Variants in TESPA1 observed in about 807,000 individuals in gnomAD.
TESPA1 encodes the protein protein TESPA1.
A neutral mutation model predicts 57.9 loss-of-function variants in TESPA1; 33 were observed. That is an observed-to-expected ratio of 0.57 (90% CI 0.43 to 0.76). The LOEUF (loss-of-function observed/expected upper bound fraction) is 0.76. TESPA1 is among the 30% of genes least tolerant of loss of function. The pLI is 0.00. For synonymous variants in TESPA1, 227 were observed against 228.9 expected (o/e 0.99, Z 0.07); for missense variants, 618 against 632.9 (o/e 0.98, Z 0.25).
chr12:54,983,585 G>A (rs1952399865), intron 1 of TESPA1, among the ~76,000 whole-genome samples: 1 of 152,142 alleles, frequency 6.6e-6, no homozygotes, highest in Non-Finnish European at 1.5e-5. Flanking sequence ...AGGACCATTT[G>A]TGGTATACAG....
intron 10 of TESPA1, among the ~76,000 whole-genome samples, chr12:54,960,504 T>G (rs1951006730): frequency 6.6e-6 from 1 of 152,206 alleles, no homozygotes; most frequent in Non-Finnish European, 1.5e-5. Flanking sequence ...GAGTCTGCTC[T>G]GAGTTCAATG....
At chr12:54,963,432 T>G (rs1369037206) in intron 8 of TESPA1, among the ~76,000 whole-genome samples, 190 bp from the exon 9 acceptor site, 3 of 152,136 alleles carry the variant, frequency 2.0e-5, no homozygotes, top group Non-Finnish European at 2.9e-5. Context: ...CCCCATCCCA[T>G]GTAGATATTC....
At chr12:54,966,565 A>G in intron 5 of TESPA1, 141 bp from the exon 6 acceptor site, 1 of 909,596 alleles carries the variant, frequency 1.1e-6, no homozygotes, top group Non-Finnish European at 1.7e-6. Flanking sequence ...TAAATTCTGC[A>G]CTTCTTGGGG....
chr12:54,959,296 T>A (rs537602938), intron 10 of TESPA1, among the ~76,000 whole-genome samples: 207 of 152,300 alleles, frequency 1.4e-3, no homozygotes, highest in African/African-American at 4.8e-3. Flanking sequence ...TTCAGGTCGG[T>A]TAGTCTCTGA....
intron 3 of TESPA1, among the ~76,000 whole-genome samples, chr12:54,969,070 T>TAC (rs1951657643): frequency 2.1e-5 from 3 of 140,998 alleles, no homozygotes; most frequent in South Asian, 2.4e-4. Flanking sequence ...TAGATAGATA[T>TAC]AGATATATCT....
intron 1 of TESPA1, among the ~76,000 whole-genome samples, chr12:54,977,228 T>G (rs1013984255): frequency 6.6e-6 from 1 of 152,182 alleles, no homozygotes; most frequent in Non-Finnish European, 1.5e-5. Flanking sequence ...ATCTCACACA[T>G]TGTAACCACT....
chr12:54,969,310 C>T (rs1384115338), intron 3 of TESPA1, among the ~76,000 whole-genome samples: 2 of 151,738 alleles, frequency 1.3e-5, no homozygotes, highest in Admixed American at 6.6e-5. Context: ...ATACTACAAA[C>T]ATGTGTAACT....
intron 5 of TESPA1, 107 bp downstream of exon 5, chr12:54,967,076 A>G (rs1951487248): frequency 7.9e-7 from 1 of 1,271,174 alleles, no homozygotes; most frequent in Non-Finnish European, 1.1e-6. Flanking sequence ...ATAAGACCCC[A>G]GGGATGGGCT....
In TESPA1 at chr12:54,967,867, C is replaced by A. The variant is rs1404788713; in HGVS notation, c.232G>T (p.Glu78Ter). 3 of 1,613,606 alleles carry A rather than the reference C, an allele frequency of 1.9e-6. No individual in the cohort carries two copies. The highest frequency in any genetic ancestry group is 2.5e-6 in the Non-Finnish European group (3 of 1,179,750). Residue 78 changes from glutamate to a stop codon, truncating the protein, a stop_gained, in exon 4 of 11, where the codon GAA becomes TAA. Transcript: ENST00000449076. LOFTEE classifies it high-confidence loss of function. Reference protein sequence around the residue: ...CGYSEEGFSEEAGQFIYNGFC... With the variant: ...CGYSEEGFSE ...CCATTGTAGATAAACTGTCCTGCTT[C>A]CTCAGAAAATCCTTCTTCAGAGTAT... is the stretch of plus-strand genomic sequence containing the variant.
At chr12:54,975,519 C>A (rs540453403) in intron 1 of TESPA1, among the ~76,000 whole-genome samples, 3 of 152,166 alleles carry the variant, frequency 2.0e-5, no homozygotes, top group East Asian at 3.9e-4. Flanking sequence ...ATGTAATATT[C>A]ATTGGCTCAT....
At position 54,962,740 on chromosome 12, in the gene TESPA1, G is replaced by A; in HGVS notation, c.1158C>T (p.Pro386=). 1 of 1,613,916 alleles carries A rather than the reference G, an allele frequency of 6.2e-7. No individual in the cohort carries two copies. The highest frequency in any genetic ancestry group is 8.5e-7 in the Non-Finnish European group (1 of 1,179,874). ...LAPSQTLDSN[P]KVPCCTHSLP... is the part of the protein sequence containing the mutation. ...GAGAATGTGTGCAACAGGGTACCTTGGGGTTCGAATCCAGAGTTTGGGATG... is the reference window on the plus strand; with the variant it reads ...GAGAATGTGTGCAACAGGGTACCTTAGGGTTCGAATCCAGAGTTTGGGATG... Residue 386 remains proline (P), a synonymous_variant, in exon 9 of 11, where the codon CCC becomes CCT. Coordinates refer to ENST00000449076, the MANE Select transcript of TESPA1 (RefSeq NM_001136030.3).
At chr12:54,976,046 C>A (rs1952124371) in intron 1 of TESPA1, among the ~76,000 whole-genome samples, 1 of 152,176 alleles carries the variant, frequency 6.6e-6, no homozygotes, top group Non-Finnish European at 1.5e-5. Context: ...TTGTCTACTG[C>A]CTGTGCCTTT....
At position 54,984,716 on chromosome 12, in the gene TESPA1, A is replaced by G. The variant is rs1952431704; in HGVS notation, c.-177T>C. The G allele has an allele frequency of 1.3e-5, 2 of 152,272 alleles. No individual in the cohort carries two copies. Among genetic ancestry groups the G allele is most frequent in the South Asian group, 4.1e-4 (2 of 4,830 alleles). 9.4% of individuals were successfully genotyped at this position (152,272 alleles called of 1,614,324 possible). A position where few individuals can be genotyped will look rare whatever the true frequency, so the allele number is the denominator to read the frequency against. On this transcript the variant is annotated 5_prime_UTR_variant, in exon 1 of 11. Coordinates refer to ENST00000449076, the MANE Select transcript of TESPA1 (RefSeq NM_001136030.3). ...TTGTAGATTATGCCTTTCTCCCTGA[A>G]CTCATTCAACTGCTGTTGCCTGCTC...
chr12:54,982,567 G>A (rs1467781250), intron 1 of TESPA1, among the ~76,000 whole-genome samples: 2 of 152,136 alleles, frequency 1.3e-5, no homozygotes, highest in African/African-American at 2.4e-5. Flanking sequence ...AAATATTAAA[G>A]TTGTGGATTT....
At chr12:54,952,387 A>G (rs1017943417) in intron 10 of TESPA1, among the ~76,000 whole-genome samples, 1 of 152,360 alleles carries the variant, frequency 6.6e-6, no homozygotes, top group East Asian at 1.9e-4. Flanking sequence ...AGTACCTTAC[A>G]CTCACCATGT....
At position 54,948,945 on chromosome 12, in the gene TESPA1, T is replaced by G. The variant is rs1210002646; in HGVS notation, c.*1447A>C. On this transcript the variant is annotated 3_prime_UTR_variant, in exon 11 of 11. Transcript: ENST00000449076. ...CTTTCTATTTCTTGAGATCTAAATC[T>G]TCTTCCAGCCTCTTCCCAGTTTTAC... 3 of 152,216 alleles carry G rather than the reference T, an allele frequency of 2.0e-5. No homozygotes were observed. The highest frequency in any genetic ancestry group is 7.2e-5 in the African/African-American group (3 of 41,444). The allele number at this position is 152,216 out of a possible 1,614,324, so 9.4% of individuals were successfully genotyped here. A position where few individuals can be genotyped will look rare whatever the true frequency, so the allele number is the denominator to read the frequency against.
At chr12:54,966,526 T>C in intron 5 of TESPA1, 102 bp from the exon 6 acceptor site, 1 of 1,378,938 alleles carries the variant, frequency 7.3e-7, no homozygotes, top group Admixed American at 2.1e-5. Context: ...TGTTTCTTTT[T>C]GTGACTATGA....
chr12:54,983,597 G>A (rs1200127423), intron 1 of TESPA1, among the ~76,000 whole-genome samples: 2 of 152,160 alleles, frequency 1.3e-5, no homozygotes, highest in African/African-American at 4.8e-5. Flanking sequence ...GGTATACAGA[G>A]TCACTAGTAC....
chr12:54,975,243 G>C (rs1165847250), intron 1 of TESPA1, among the ~76,000 whole-genome samples: 1 of 152,060 alleles, frequency 6.6e-6, no homozygotes, highest in Non-Finnish European at 1.5e-5. Context: ...AAAGCAGAGA[G>C]ACACTGCCTT....
Sources: gnomAD v4.1 joint callset for allele counts (sites outside exome capture counted in the v4.1 genomes callset) on GRCh38, gnomAD v4.1.1 for gene constraint, MANE v1.5 for transcripts, NCBI Gene and HGNC (gene_info 2026-07-23, HGNC 2026-07-21) for gene names.